Variants in CYTH3 observed in about 807,000 individuals in gnomAD.
CYTH3 encodes the protein cytohesin 3, also known as cytohesin-3.
A neutral mutation model predicts 55.1 loss-of-function variants in CYTH3; 23 were observed. That is an observed-to-expected ratio of 0.42 (90% CI 0.30 to 0.59). The LOEUF is 0.59. CYTH3 is among the 20% of genes least tolerant of loss of function. The pLI is 0.20. For synonymous variants in CYTH3, 249 were observed against 194.9 expected (o/e 1.28, Z -2.31); for missense variants, 413 against 524.8 (o/e 0.79, Z 2.08).
chr7:6,201,368 A>C (rs1217610974), intron 1 of CYTH3, among the ~76,000 whole-genome samples: 1 of 152,088 alleles, frequency 6.6e-6, no homozygotes, highest in Non-Finnish European at 1.5e-5. Context: ...GATTCTCGCC[A>C]CCTCCTTGGA....
chr7:6,259,375 T>G (rs1304545798), intron 1 of CYTH3, among the ~76,000 whole-genome samples: 2 of 152,188 alleles, frequency 1.3e-5, no homozygotes, highest in African/African-American at 4.8e-5. Flanking sequence ...TCTCTCCTAT[T>G]TGAACAGTGT....
intron 1 of CYTH3, among the ~76,000 whole-genome samples, chr7:6,234,182 G>A (rs1051352292): frequency 2.6e-5 from 4 of 152,210 alleles, no homozygotes; most frequent in Admixed American, 6.5e-5. Context: ...AGTGCAGCAG[G>A]AGTCTTGTGA....
intron 1 of CYTH3, among the ~76,000 whole-genome samples, chr7:6,214,619 G>C (rs983943352): frequency 1.3e-5 from 2 of 152,118 alleles, no homozygotes; most frequent in African/African-American, 2.4e-5. Flanking sequence ...GCCTAGGAAT[G>C]ACCTCAGAAC....
At chr7:6,191,858 C>T (rs1783811303) in intron 1 of CYTH3, among the ~76,000 whole-genome samples, 1 of 152,096 alleles carries the variant, frequency 6.6e-6, no homozygotes, top group South Asian at 2.1e-4. Flanking sequence ...GGGAGGATCA[C>T]TTGAGGCCAG....
rs1783145474 is a variant in CYTH3 at position 6,170,479 on chromosome 7, G to T, written c.823+56C>A. 1 of 1,518,162 alleles carries T rather than the reference G, an allele frequency of 6.6e-7. No individual in the cohort carries two copies. The highest frequency in any genetic ancestry group is 2.3e-5 in the East Asian group (1 of 44,302). 94.0% of individuals were successfully genotyped at this position (1,518,162 alleles called of 1,614,324 possible). Reference sequence around the variant, plus strand: ...CGATGAGCCTGGGAGGAACCCGAGGGGCTGCTGCCATGGGCAGAGGGGTCA... The same window carrying T: ...CGATGAGCCTGGGAGGAACCCGAGGTGCTGCTGCCATGGGCAGAGGGGTCA... On this transcript the variant is annotated intron_variant, in intron 9 of 12. Transcript: ENST00000350796. The surrounding 1 kb of genome is among the most constrained non-coding windows in gnomAD (Gnocchi z 7.8).
At chr7:6,188,243 G>A (rs996967693) in intron 2 of CYTH3, among the ~76,000 whole-genome samples, 3 of 151,906 alleles carry the variant, frequency 2.0e-5, no homozygotes, top group Non-Finnish European at 2.9e-5. Flanking sequence ...TGAGGAGGGA[G>A]GACTGCATGA....
chr7:6,216,972 G>A (rs908412808), intron 1 of CYTH3, among the ~76,000 whole-genome samples: 4 of 151,546 alleles, frequency 2.6e-5, no homozygotes, highest in Non-Finnish European at 5.9e-5. Context: ...GAGTGCAGTG[G>A]CATTATCTCC....
At chr7:6,178,062 G>C (rs1783392995) in intron 4 of CYTH3, 121 bp from the exon 5 acceptor site, 2 of 711,438 alleles carry the variant, frequency 2.8e-6, no homozygotes, top group Non-Finnish European at 4.9e-6. Flanking sequence ...TAATACCAGA[G>C]ACACCCATAC....
At chr7:6,179,738 CCACA>C (rs748759275) in intron 4 of CYTH3, among the ~76,000 whole-genome samples, 1 of 105,446 alleles carries the variant, frequency 9.5e-6, no homozygotes, top group African/African-American at 4.1e-5. Flanking sequence ...CACACACCCA[CCACA>C]CACACCCCAC....
intron 1 of CYTH3, among the ~76,000 whole-genome samples, chr7:6,212,344 T>C (rs957396687): frequency 6.6e-6 from 1 of 152,210 alleles, no homozygotes; most frequent in African/African-American, 2.4e-5. Context: ...ATTCACACTG[T>C]TTTGCAACCA....
intron 3 of CYTH3, 89 bp downstream of exon 3, chr7:6,187,568 C>T (rs1198337140): frequency 8.4e-7 from 1 of 1,185,378 alleles, no homozygotes; most frequent in African/African-American, 1.5e-5. Flanking sequence ...ATCCCAACCA[C>T]TCTCACCCCA....
chr7:6,235,663 A>C (rs1176378066), intron 1 of CYTH3, among the ~76,000 whole-genome samples: 1 of 152,168 alleles, frequency 6.6e-6, no homozygotes, highest in Non-Finnish European at 1.5e-5. Flanking sequence ...ACTGAAATAA[A>C]AAATACAACA....
chr7:6,173,144 C>G (rs1023388890), intron 6 of CYTH3: 16 of 853,914 alleles, frequency 1.9e-5, no homozygotes, highest in Middle Eastern at 1.2e-3. Flanking sequence ...AGGAAGGAAG[C>G]GAGACAACTT....
chr7:6,243,377 C>T (rs536687308), intron 1 of CYTH3, among the ~76,000 whole-genome samples: 8 of 152,174 alleles, frequency 5.3e-5, no homozygotes, highest in Admixed American at 4.6e-4. Flanking sequence ...CAAAGCTAAC[C>T]GAGCACATGC....
intron 1 of CYTH3, among the ~76,000 whole-genome samples, chr7:6,243,193 G>A (rs964568626): frequency 2.6e-5 from 4 of 152,180 alleles, no homozygotes; most frequent in African/African-American, 9.7e-5. Context: ...AAAAATTAGG[G>A]CTTCTCACCT....
chr7:6,249,495 CCTT>C, intron 1 of CYTH3, among the ~76,000 whole-genome samples: 1 of 152,310 alleles, frequency 6.6e-6, no homozygotes, highest in South Asian at 2.1e-4. Context: ...TTTGAATTCT[CCTT>C]ATTTGCAGCA....
intron 1 of CYTH3, among the ~76,000 whole-genome samples, chr7:6,219,636 A>G (rs2128551093): frequency 6.6e-6 from 1 of 152,318 alleles, no homozygotes; most frequent in South Asian, 2.1e-4. Context: ...ACAGAACCGC[A>G]CAGGTAAGAT....
At chr7:6,188,192 G>C (rs115960626) in intron 2 of CYTH3, among the ~76,000 whole-genome samples, 5 of 152,054 alleles carry the variant, frequency 3.3e-5, no homozygotes, top group Admixed American at 3.3e-4. Context: ...AATTAGCTGA[G>C]TGTGGTGGTA....
intron 1 of CYTH3, among the ~76,000 whole-genome samples, chr7:6,264,079 G>A (rs1205284885): frequency 1.3e-5 from 2 of 151,622 alleles, no homozygotes; most frequent in Admixed American, 6.6e-5. Context: ...AAACCCCATC[G>A]CTACTAAAAA....
Sources: allele counts gnomAD v4.1 joint callset (sites outside exome capture counted in the v4.1 genomes callset), GRCh38; gene constraint gnomAD v4.1.1; non-coding constraint Gnocchi (gnomAD v3.1); transcripts MANE v1.5; gene names NCBI Gene and HGNC (gene_info 2026-07-23, HGNC 2026-07-21).